The following PKIG variants were observed in gnomAD, a reference collection of about 807,000 sequenced individuals.
The protein encoded by PKIG is cAMP-dependent protein kinase inhibitor gamma, also known as protein kinase (cAMP-dependent, catalytic) inhibitor gamma.
PKIG carries 1 observed loss-of-function variant against 6.8 expected under a neutral mutation model. The ratio of observed to expected loss-of-function variants is 0.15; its 90% CI spans 0.05 to 0.69. PKIG has a LOEUF of 0.69. PKIG is among the 30% of genes least tolerant of loss of function. PKIG has a pLI of 0.82. For missense variants in PKIG, 77 were observed against 104.0 expected, an observed-to-expected ratio of 0.74 and a Z score of 1.13; for synonymous variants, 39 against 43.0, an observed-to-expected ratio of 0.91 and a Z score of 0.36.
rs186282985 is a variant in PKIG at position 44,532,684 on chromosome 20, T to C, written c.-241+706T>C. 3.9e-5 allele frequency among the ~76,000 whole-genome samples: 6 copies of C among 152,306 alleles called. 1 individual carries two copies. The highest frequency in any genetic ancestry group is 3.9e-4 in the Admixed American group (6 of 15,304). The stretch of plus-strand genomic sequence containing the variant: ...AGAGAAAACAGTTAACCTGGATTTC[T>C]GGAGGTGAGGTTAGTGTGGATGATC... On this transcript the variant is annotated intron_variant, in intron 1 of 4. Transcript: ENST00000372887.
At position 44,618,447 on chromosome 20, in the gene PKIG, C is replaced by T; in HGVS notation, c.*83C>T. The stretch of plus-strand genomic sequence containing the variant: ...AACCCTGGCACTGGCCCAGCAGCCT[C>T]TTCTCTGAGCTCCATGTCCCAGATA... On this transcript the variant is annotated 3_prime_UTR_variant, in exon 4 of 4. Transcript: ENST00000372886. 1.1e-6 allele frequency: 1 copy of T among 912,528 alleles called. No individual in the cohort carries two copies. Among genetic ancestry groups the T allele is most frequent in the East Asian group, 2.4e-5 (1 of 41,236 alleles). The allele number at this position is 912,528 out of a possible 1,614,324, so 56.5% of individuals were successfully genotyped here.
chr20:44,614,582 C>T lies in PKIG; in HGVS notation c.26C>T (p.Ser9Leu), dbSNP rs773065456. ...ATGATGGAGGTCGAGTCCTCCTACT[C>T]GGACTTCATCTCCTGTGACCGGACA... Reference protein sequence around the residue: MMEVESSYSDFISCDRTGR... With the variant: MMEVESSYLDFISCDRTGR... The change falls in exon 3 of 4, where the codon TCG (serine) becomes TTG (leucine). Residue 9 changes from serine to leucine, a missense_variant. Transcript: ENST00000372886. This position sits in a 1 kb window ranked among gnomAD's most constrained non-coding sequence, Gnocchi z 4.6. 3 of 1,614,078 alleles carry T rather than the reference C, an allele frequency of 1.9e-6. No homozygotes were observed. Among genetic ancestry groups the T allele is most frequent in the East Asian group, 2.2e-5 (1 of 44,876 alleles).
At chr20:44,541,501 CTGGTAGACTG>C (rs2064561543) in intron 1 of PKIG, among the ~76,000 whole-genome samples, 1 of 151,994 alleles carries the variant, frequency 6.6e-6, no homozygotes, top group African/African-American at 2.4e-5. Flanking sequence ...GTTGGCCTGG[CTGGTAGACTG>C]TGTTTTTATT....
At chr20:44,548,844 ACTC>A (rs2064640115) in intron 1 of PKIG, among the ~76,000 whole-genome samples, 1 of 137,168 alleles carries the variant, frequency 7.3e-6, no homozygotes, top group Admixed American at 8.1e-5. Context: ...TCATCCAGCC[ACTC>A]CTCCCACCAC....
chr20:44,537,984 T>C (rs1209512834), intron 1 of PKIG, among the ~76,000 whole-genome samples: 1 of 152,198 alleles, frequency 6.6e-6, no homozygotes, highest in Non-Finnish European at 1.5e-5. Flanking sequence ...GTCACAATTC[T>C]GTTAAAATTT....
chr20:44,617,157 G>A (rs2065272599), intron 3 of PKIG, among the ~76,000 whole-genome samples: 2 of 152,134 alleles, frequency 1.3e-5, no homozygotes, highest in Non-Finnish European at 2.9e-5. Context: ...CCATCCATCT[G>A]CAGACCCTGG....
rs1323680731 is a variant in PKIG, at chr20:44,546,630, G to A, written c.-241+14652G>A. Among the ~76,000 whole-genome samples the A allele has an allele frequency of 2.0e-5, 3 of 146,556 alleles. No individual in the cohort carries two copies. In the East Asian group the frequency reaches 6.0e-4, roughly 29 times the overall value. Reference sequence around the variant, plus strand: ...TGCAATGGTACAATCTTGGATCACTGTAGCCTCTACCTTCCCAGTTCAGGC... The same window carrying A: ...TGCAATGGTACAATCTTGGATCACTATAGCCTCTACCTTCCCAGTTCAGGC... On this transcript the variant is annotated intron_variant, in intron 1 of 4. Transcript: ENST00000372887.
chr20:44,582,837 A>G (rs1220254874), intron 1 of PKIG, 106 bp downstream of exon 1: 1 of 152,198 alleles, frequency 6.6e-6, no homozygotes, highest in Non-Finnish European at 1.5e-5. Flanking sequence ...TTGGCCACAA[A>G]ATGTCTATTT....
At chr20:44,587,901 C>A (rs546759045) in intron 1 of PKIG, among the ~76,000 whole-genome samples, 1 of 152,314 alleles carries the variant, frequency 6.6e-6, no homozygotes, top group Admixed American at 6.5e-5. Context: ...TTATACTTTC[C>A]TGGACGTGTG....
intron 1 of PKIG, among the ~76,000 whole-genome samples, chr20:44,575,882 G>A (rs976560865): frequency 2.0e-5 from 3 of 152,102 alleles, no homozygotes; most frequent in Admixed American, 2.0e-4. Flanking sequence ...GAATCTTCTC[G>A]ACGCCTGCTG....
intron 1 of PKIG, among the ~76,000 whole-genome samples, chr20:44,565,457 G>A (rs926738371): frequency 6.6e-6 from 1 of 152,180 alleles, no homozygotes; most frequent in Non-Finnish European, 1.5e-5. Flanking sequence ...TGAAAGTGAA[G>A]CAATCACAGA....
chr20:44,551,573 C>T (rs978910597), intron 1 of PKIG, among the ~76,000 whole-genome samples: 1 of 152,134 alleles, frequency 6.6e-6, no homozygotes, highest in African/African-American at 2.4e-5. Context: ...TGTTTAACAT[C>T]TTGGTCTCTA....
chr20:44,588,625 CAG>C (rs2065009662), intron 1 of PKIG, among the ~76,000 whole-genome samples: 1 of 148,808 alleles, frequency 6.7e-6, no homozygotes, highest in South Asian at 2.1e-4. Flanking sequence ...GCCTGGGTGA[CAG>C]AGTGAGACTT....
In PKIG at chr20:44,614,689, C is replaced by T. The variant is rs2065248323; in HGVS notation, c.133C>T (p.Leu45=). 6.2e-7 allele frequency: 1 copy of T among 1,613,814 alleles called. No individual in the cohort carries two copies. Among genetic ancestry groups the T allele is most frequent in the Non-Finnish European group, 8.5e-7 (1 of 1,180,022 alleles). The change falls in exon 3 of 4, where the codon CTG becomes TTG. Residue 45 remains leucine, a synonymous_variant. Transcript: ENST00000372886. This position sits in a 1 kb window ranked among gnomAD's most constrained non-coding sequence, Gnocchi z 4.6. The stretch of plus-strand genomic sequence containing the variant: ...GAAGCTGGCTGGAGACATGGGCGAG[C>T]TGGCACTCGAGGGGGCAGGTTAGAG... ...VRKLAGDMGE[L]ALEGAEGQVE... is the part of the protein sequence containing the mutation.
At chr20:44,584,098 T>C (rs1264593132) in intron 1 of PKIG, among the ~76,000 whole-genome samples, 2 of 152,152 alleles carry the variant, frequency 1.3e-5, no homozygotes, top group African/African-American at 4.8e-5. Flanking sequence ...TGCTCAACCC[T>C]TTACAGAGCA....
intron 1 of PKIG, among the ~76,000 whole-genome samples, chr20:44,533,381 A>G (rs564768313): frequency 8.5e-4 from 129 of 152,358 alleles, no homozygotes; most frequent in Non-Finnish European, 4.0e-4. Context: ...GGCACTGTGT[A>G]GGTAGTAAGG....
intron 1 of PKIG, among the ~76,000 whole-genome samples, chr20:44,546,199 A>T (rs2123170911): frequency 6.6e-6 from 1 of 152,276 alleles, no homozygotes; most frequent in Non-Finnish European, 1.5e-5. Flanking sequence ...GCAGTGAGCC[A>T]TGATCATGCC....
chr20:44,557,808 A>G (rs985835406), intron 1 of PKIG, among the ~76,000 whole-genome samples: 10 of 152,050 alleles, frequency 6.6e-5, no homozygotes, highest in African/African-American at 2.4e-4. Flanking sequence ...TGGGTGGCAG[A>G]GCAAGACTCC....
chr20:44,598,758 C>T (rs2065095541), intron 2 of PKIG: 1 of 152,230 alleles, frequency 6.6e-6, no homozygotes, highest in Non-Finnish European at 1.5e-5. Flanking sequence ...TGTTCCGCAG[C>T]TTTCCAGAGA....
Sources: allele counts gnomAD v4.1 joint callset (sites outside exome capture counted in the v4.1 genomes callset), GRCh38; gene constraint gnomAD v4.1.1; non-coding constraint Gnocchi (gnomAD v3.1); transcripts MANE v1.5; gene names NCBI Gene and HGNC (gene_info 2026-07-23, HGNC 2026-07-21).